TET1: variants seen among roughly 807,000 people sequenced by gnomAD.
TET1 encodes methylcytosine dioxygenase TET1.
A neutral mutation model predicts 148.7 loss-of-function variants in TET1; 13 were observed. The observed-to-expected ratio is 0.09, with a 90% confidence interval of 0.06 to 0.14. TET1 has a LOEUF of 0.14. Ranked by LOEUF, TET1 falls within the 10% of genes least tolerant of loss-of-function variation. The pLI is 1.00. For synonymous variants in TET1, 907 were observed against 937.2 expected (o/e 0.97, Z 0.59); for missense variants, 2,182 against 2,553.8 (o/e 0.85, Z 3.14).
At chr10:68,624,646 TTCTTTCTTTCTTTCTCTC>T (rs1457679692) in intron 3 of TET1, among the ~76,000 whole-genome samples, 38 of 54,018 alleles carry the variant, frequency 7.0e-4, no homozygotes, top group African/African-American at 3.2e-3. Flanking sequence ...CTTTCTTTCT[TTCTTTCTTTCTTTCTCTC>T]TCTCTCTCTC....
chr10:68,667,105 C>T lies in TET1; in HGVS notation c.4522C>T (p.His1508Tyr). ...VLCLVRQRTG[H>Y]HCPTAVMVVL... The stretch of plus-strand genomic sequence containing the variant: ...TTGTTTGGTCCGGCAGCGTACAGGC[C>T]ACCACTGTCCAACTGCTGTGATGGT... Residue 1508 changes from histidine (H) to tyrosine (Y), a missense_variant, in exon 7 of 12, where the codon CAC (histidine) becomes TAC (tyrosine). His to Tyr is a moderately conservative substitution (Grantham distance 83, BLOSUM62 2). This residue lies in a region of TET1 where 169 missense variants were observed against 263.7 expected (regional missense o/e 0.64). Coordinates refer to ENST00000373644, the MANE Select transcript of TET1 (RefSeq NM_030625.3). The T allele has an allele frequency of 6.2e-7, 1 of 1,614,084 alleles. No individual in the cohort carries two copies. Among genetic ancestry groups the T allele is most frequent in the Non-Finnish European group, 8.5e-7 (1 of 1,180,012 alleles).
chr10:68,601,068 T>A, intron 3 of TET1, 34 bp downstream of exon 3: 1 of 1,558,812 alleles, frequency 6.4e-7, no homozygotes. Context: ...TATTTCATTA[T>A]TTTTCCATTT....
rs1358723566 is a variant in TET1 at position 68,691,038 on chromosome 10, C to G, written c.5635C>G (p.Pro1879Ala). Residue 1879 changes from proline to alanine, a missense_variant, in exon 12 of 12, where the codon CCC becomes GCC. By Grantham distance (27) the Pro-to-Ala change is conservative (BLOSUM62 -1). Coordinates refer to ENST00000373644, the MANE Select transcript of TET1 (RefSeq NM_030625.3). This position sits in a 1 kb window ranked among gnomAD's most constrained non-coding sequence, Gnocchi z 4.4. ...CGGGTTTTCAGAAAGAAGCAGCACT[C>G]CCCACTGTACGATGCCTTCGGGAAG... is the stretch of plus-strand genomic sequence containing the variant. ...SCGFSERSST[P>A]HCTMPSGRLS... The G allele has an allele frequency of 1.2e-6, 2 of 1,614,044 alleles. No homozygotes were observed. Among genetic ancestry groups the G allele is most frequent in the Non-Finnish European group, 8.5e-7 (1 of 1,180,020 alleles).
Position 68,645,134 on chromosome 10 carries a change from A to G in TET1, c.2405A>G (p.Asn802Ser), listed in dbSNP as rs2133085043. ...CTAAAAGACACTGCAAACCATAAAA[A>G]CGCTATGAGCTCTGTTGCTACTGAT... ...KFLKDTANHKNAMSSVATDMS... is the reference protein window; with the variant it reads ...KFLKDTANHKSAMSSVATDMS... Residue 802 changes from asparagine to serine, a missense_variant, in exon 4 of 12, where the codon AAC becomes AGC. Around this residue, in one of 11 missense-constraint regions of TET1, gnomAD observed 226 missense variants for 307.4 expected, o/e 0.74. Transcript: ENST00000373644. 1 of 1,613,748 alleles carries G rather than the reference A, an allele frequency of 6.2e-7. No individual in the cohort carries two copies. The highest frequency in any genetic ancestry group is 1.7e-5 in the Admixed American group (1 of 59,998).
rs139453548 is a variant in TET1 at position 68,646,769 on chromosome 10, C to T, written c.4040C>T (p.Pro1347Leu). 4.5e-5 allele frequency: 72 copies of T among 1,614,014 alleles called. No individual in the cohort carries two copies. In the Middle Eastern group the frequency reaches 4.9e-4, roughly 11 times the overall value. Reference protein sequence around the residue: ...LPGISHETPLPESALTLRNVN... With the variant: ...LPGISHETPLLESALTLRNVN... ...GGTATCTCTCATGAAACACCCTTACCGGAGTCAGCACTAACTCTCAGGAAT... is the reference window on the plus strand; with the variant it reads ...GGTATCTCTCATGAAACACCCTTACTGGAGTCAGCACTAACTCTCAGGAAT... Residue 1347 changes from proline (P) to leucine (L), a missense_variant, in exon 4 of 12, where the codon CCG becomes CTG. Physicochemically the swap from Pro to Leu is moderately conservative, Grantham distance 98. Coordinates refer to ENST00000373644, the MANE Select transcript of TET1 (RefSeq NM_030625.3).
intron 8 of TET1, among the ~76,000 whole-genome samples, chr10:68,676,264 ATATATTTTTTTTTT>A (rs1313631289): frequency 1.9e-4 from 3 of 15,414 alleles, no homozygotes; most frequent in African/African-American, 6.7e-4. Context: ...ATATATATAT[ATATATTTTTTTTTT>A]TTTTTTTTTT....
rs62638663 is a variant in TET1, at chr10:68,691,790, G to T, written c.6387G>T (p.Ala2129=). Residue 2129 remains alanine, a synonymous_variant, in exon 12 of 12, where the codon GCG becomes GCT. Coordinates refer to ENST00000373644, the MANE Select transcript of TET1 (RefSeq NM_030625.3). The surrounding 1 kb of genome is among the most constrained non-coding windows in gnomAD (Gnocchi z 4.4). The part of the protein sequence containing the change: ...TVSPYALTHV[A]GPYNHWV ...CCCCTTATGCTCTCACACACGTTGCGGGGCCCTATAACCATTGGGTCTGAA... is the reference window on the plus strand; with the variant it reads ...CCCCTTATGCTCTCACACACGTTGCTGGGCCCTATAACCATTGGGTCTGAA... 1 of 1,613,300 alleles carries T rather than the reference G, an allele frequency of 6.2e-7. No individual in the cohort carries two copies. Among genetic ancestry groups the T allele is most frequent in the South Asian group, 1.1e-5 (1 of 91,022 alleles).
At position 68,691,500 on chromosome 10, in the gene TET1, G is replaced by A. The variant is rs2055593513; in HGVS notation, c.6097G>A (p.Val2033Ile). 6 of 1,613,950 alleles carry A rather than the reference G, an allele frequency of 3.7e-6. No homozygotes were observed. The highest frequency in any genetic ancestry group is 1.7e-4 in the Middle Eastern group (1 of 6,060). Residue 2033 changes from valine (V) to isoleucine (I), a missense_variant, in exon 12 of 12, where the codon GTT (valine) becomes ATT (isoleucine). Val to Ile is a conservative substitution (Grantham distance 29). Transcript: ENST00000373644. The surrounding 1 kb of genome is among the most constrained non-coding windows in gnomAD (Gnocchi z 4.4). ...ARRELHATTP[V>I]EHPNRNHPTR... Reference sequence around the variant, plus strand: ...GCGAGAGCTGCACGCTACCACTCCTGTTGAGCACCCCAACCGTAATCATCC... The same window carrying A: ...GCGAGAGCTGCACGCTACCACTCCTATTGAGCACCCCAACCGTAATCATCC...
rs192714362 is a variant in TET1 at position 68,670,348 on chromosome 10, G to A, written c.4674-2547G>A. 1.2e-4 allele frequency among the ~76,000 whole-genome samples: 19 copies of A among 152,132 alleles called. No homozygotes were observed. In the East Asian group the frequency reaches 2.7e-3, roughly 22 times the overall value. On this transcript the variant is annotated intron_variant, in intron 7 of 11. Coordinates refer to ENST00000373644, the MANE Select transcript of TET1 (RefSeq NM_030625.3). ...GTCATGACATTGAAATTTTTGAAGCGAAAAGGCTAATTCTATAGACTGTTA... is the reference window on the plus strand; with the variant it reads ...GTCATGACATTGAAATTTTTGAAGCAAAAAGGCTAATTCTATAGACTGTTA...
chr10:68,637,736 G>A (rs1185202075), intron 3 of TET1, among the ~76,000 whole-genome samples: 2 of 151,388 alleles, frequency 1.3e-5, no homozygotes, highest in Non-Finnish European at 2.9e-5. Context: ...GCCCAGTGTG[G>A]TAGGGCACAC....
chr10:68,673,964 T>TC (rs1475456739), intron 8 of TET1, among the ~76,000 whole-genome samples: 51 of 141,542 alleles, frequency 3.6e-4, no homozygotes, highest in Non-Finnish European at 6.4e-4. Flanking sequence ...CTTTTTCTTT[T>TC]TTTTTTTTTT....
chr10:68,649,166 C>T (rs1037508312), intron 4 of TET1, among the ~76,000 whole-genome samples: 4 of 152,152 alleles, frequency 2.6e-5, no homozygotes, highest in African/African-American at 9.7e-5. Context: ...GGTTTATTAT[C>T]CCCATTATAC....
chr10:68,610,862 C>T (rs368743798), intron 3 of TET1, among the ~76,000 whole-genome samples: 1 of 152,072 alleles, frequency 6.6e-6, no homozygotes, highest in African/African-American at 2.4e-5. Context: ...TGCCATGTTA[C>T]CCAGGCTGGT....
At chr10:68,652,138 A>C (rs1002441208) in intron 5 of TET1, among the ~76,000 whole-genome samples, 1 of 152,128 alleles carries the variant, frequency 6.6e-6, no homozygotes, top group Admixed American at 6.6e-5. Context: ...ACATAAAAGC[A>C]CCCACAAAGC....
intron 2 of TET1, among the ~76,000 whole-genome samples, chr10:68,580,313 A>ATTTTTTTTTTTTT: frequency 1.7e-5 from 1 of 60,398 alleles, no homozygotes; most frequent in Non-Finnish European, 2.9e-5. Context: ...ATTATATTCA[A>ATTTTTTTTTTTTT]TTTTTTTTTT....
In TET1 at chr10:68,645,271, A is replaced by G. The variant is rs200014013; in HGVS notation, c.2542A>G (p.Ser848Gly). 7 of 1,614,206 alleles carry G rather than the reference A, an allele frequency of 4.3e-6. No individual in the cohort carries two copies. The highest frequency in any genetic ancestry group is 5.9e-6 in the Non-Finnish European group (7 of 1,180,038). ...SSHSIINHHASIHNEGDQPKT... is the reference protein window; with the variant it reads ...SSHSIINHHAGIHNEGDQPKT... ...ACACTCCATCATAAATCATCATGCT[A>G]GTATACACAATGAAGGTGATCAACC... The change falls in exon 4 of 12, where the codon AGT becomes GGT. Residue 848 changes from serine to glycine, a missense_variant. Ser to Gly is a moderately conservative substitution (Grantham distance 56, BLOSUM62 0). Coordinates refer to ENST00000373644, the MANE Select transcript of TET1 (RefSeq NM_030625.3).
intron 2 of TET1, among the ~76,000 whole-genome samples, chr10:68,576,860 A>G (rs989506235): frequency 1.3e-5 from 2 of 151,202 alleles, no homozygotes; most frequent in South Asian, 2.1e-4. Context: ...TCTTGCTTCA[A>G]CCTCCTGCAT....
intron 3 of TET1, among the ~76,000 whole-genome samples, chr10:68,642,888 C>A (rs1418002201): frequency 1.3e-5 from 2 of 151,998 alleles, no homozygotes; most frequent in African/African-American, 4.8e-5. Flanking sequence ...TACAGGTATG[C>A]GCTACTGTAC....
intron 2 of TET1, among the ~76,000 whole-genome samples, chr10:68,575,371 C>T (rs892386051): frequency 9.6e-5 from 13 of 135,386 alleles, no homozygotes; most frequent in South Asian, 2.3e-4. Context: ...GCCACAAAAG[C>T]GAAACTCTGT....
Sources: gnomAD v4.1 joint callset for allele counts (sites outside exome capture counted in the v4.1 genomes callset) on GRCh38, gnomAD v4.1.1 for gene constraint, gnomAD v4.1.1 regional missense constraint, Gnocchi (gnomAD v3.1) non-coding constraint, MANE v1.5 for transcripts, NCBI Gene and HGNC (gene_info 2026-07-23, HGNC 2026-07-21) for gene names.